The following C18orf32 variants were observed in gnomAD, a reference collection of about 807,000 sequenced individuals.
C18orf32 encodes chromosome 18 open reading frame 32, also known as UPF0729 protein C18orf32.
Under a neutral mutation model 7.4 loss-of-function variants are expected in C18orf32, and 5 were observed. The ratio of observed to expected loss-of-function variants is 0.68; its 90% CI spans 0.35 to 1.42. The LOEUF (loss-of-function observed/expected upper bound fraction) is 1.42, where lower values mean the gene tolerates loss of function less well. Among genes scored for constraint, C18orf32 ranks in the 40% most tolerant of loss-of-function variants. The pLI is 0.04. For synonymous variants in C18orf32, 30 were observed against 29.3 expected (o/e 1.02, Z -0.08); for missense variants, 88 against 92.4 (o/e 0.95, Z 0.19).
Position 49,482,030 on chromosome 18 carries a change from A to G in C18orf32, c.*315T>C, listed in dbSNP as rs1230104214. On this transcript the variant is annotated 3_prime_UTR_variant, in exon 3 of 3. Coordinates refer to ENST00000318240, the MANE Select transcript of C18orf32 (RefSeq NM_001035005.4). ...GCAAATTCATATGAATTAGAGAACC[A>G]AAGATTTTAAAGTGCTGATTTAGTA... 1 of 250,148 alleles carries G rather than the reference A, an allele frequency of 4.0e-6. No individual in the cohort carries two copies. Among genetic ancestry groups the G allele is most frequent in the East Asian group, 1.2e-4 (1 of 8,278 alleles). 15.5% of individuals were successfully genotyped at this position (250,148 alleles called of 1,614,324 possible). A position where few individuals can be genotyped will look rare whatever the true frequency, so the allele number is the denominator to read the frequency against.
In C18orf32 at chr18:49,483,764, C is replaced by G. The variant is rs369428991; in HGVS notation, c.-16G>C. ...TGCACACCATTTTCCCAAGCTTGAGCTCCTCAACTGTTGATATATGTGAAG... is the reference window on the plus strand; with the variant it reads ...TGCACACCATTTTCCCAAGCTTGAGGTCCTCAACTGTTGATATATGTGAAG... On this transcript the variant is annotated 5_prime_UTR_variant, in exon 2 of 3. Transcript: ENST00000318240. 1.4e-4 allele frequency: 222 copies of G among 1,602,768 alleles called. 1 individual carries two copies. In the African/African-American group the frequency reaches 2.6e-3, roughly 19 times the overall value.
chr18:49,482,874 C>A (rs543464128), intron 2 of C18orf32, among the ~76,000 whole-genome samples: 1 of 149,158 alleles, frequency 6.7e-6, no homozygotes, highest in Non-Finnish European at 1.5e-5. Flanking sequence ...TCTCGGCTCA[C>A]TGAAACCTCT....
chr18:49,478,498 A>C lies in C18orf32; in HGVS notation c.*3847T>G, dbSNP rs1328773832. On this transcript the variant is annotated 3_prime_UTR_variant, in exon 3 of 3. Transcript: ENST00000318240. ...AGGCTGGTCTTGAACTCCCGGCCTC[A>C]AGTGATCCTCCCACCTCGGCCTCCC... is the stretch of plus-strand genomic sequence containing the variant. 1 of 150,418 alleles carries C rather than the reference A, an allele frequency of 6.6e-6. No homozygotes were observed. The highest frequency in any genetic ancestry group is 1.5e-5 in the Non-Finnish European group (1 of 68,160). 9.3% of individuals were successfully genotyped at this position (150,418 alleles called of 1,614,324 possible). A position where few individuals can be genotyped will look rare whatever the true frequency, so the allele number is the denominator to read the frequency against.
chr18:49,482,441 A>G (rs1351161728), intron 2 of C18orf32, 31 bp from the exon 3 acceptor site: 6 of 1,556,328 alleles, frequency 3.9e-6, no homozygotes, highest in South Asian at 1.1e-5. Context: ...AGAAATTATC[A>G]TAACAAGCCG....
At position 49,480,360 on chromosome 18, in the gene C18orf32, TATAAATATGGAG is replaced by T. The variant is rs1357922279; in HGVS notation, c.*1973_*1984del. 2.0e-5 allele frequency: 3 copies of T among 151,806 alleles called. No individual in the cohort carries two copies. The highest frequency in any genetic ancestry group is 4.4e-5 in the Non-Finnish European group (3 of 67,950). 9.4% of individuals were successfully genotyped at this position (151,806 alleles called of 1,614,324 possible). On this transcript the variant is annotated 3_prime_UTR_variant, in exon 3 of 3. Coordinates refer to ENST00000318240, the MANE Select transcript of C18orf32 (RefSeq NM_001035005.4). ...TATTTTTATATTTTTATAATTTATT[TATAAATATGGAG>T]ATAAATTTAAAAAGCCCACAGCTCA...
chr18:49,482,658 C>A (rs777338177), intron 2 of C18orf32, among the ~76,000 whole-genome samples: 11 of 149,782 alleles, frequency 7.3e-5, no homozygotes, highest in Non-Finnish European at 1.6e-4. Flanking sequence ...ACCTGGGAGA[C>A]GGAAGTTGTG....
rs1170956817 is a variant in C18orf32, at chr18:49,480,728, G to C, written c.*1617C>G. The C allele has an allele frequency of 6.6e-6, 1 of 152,214 alleles. No homozygotes were observed. The highest frequency in any genetic ancestry group is 6.5e-5 in the Admixed American group (1 of 15,270). 9.4% of individuals were successfully genotyped at this position (152,214 alleles called of 1,614,324 possible). On this transcript the variant is annotated 3_prime_UTR_variant, in exon 3 of 3. Coordinates refer to ENST00000318240, the MANE Select transcript of C18orf32 (RefSeq NM_001035005.4). ...CGAGGCCATAGAGAGCCGTGATCAT[G>C]CTGCTGCACTCCAGCTTGAGTGACA... is the stretch of plus-strand genomic sequence containing the variant.
chr18:49,486,735 A>G (rs1014869148), intron 1 of C18orf32: 1 of 151,626 alleles, frequency 6.6e-6, no homozygotes, highest in Non-Finnish European at 1.5e-5. Flanking sequence ...TAGGGAAGGC[A>G]TAACAGGGAA....
At chr18:49,483,493 G>A in intron 2 of C18orf32, 91 bp downstream of exon 2, 1 of 1,414,434 alleles carries the variant, frequency 7.1e-7, no homozygotes, top group Non-Finnish European at 9.5e-7. Context: ...TGAAGCTTCT[G>A]GTTCTAAAAC....
Position 49,481,523 on chromosome 18 carries a change from G to A in C18orf32, c.*822C>T, listed in dbSNP as rs760686998. ...CTGCTGAAAACCACTAAATTTTGGA[G>A]TGTCTTGTTACGCAACAATAGTAAT... is the stretch of plus-strand genomic sequence containing the variant. On this transcript the variant is annotated 3_prime_UTR_variant, in exon 3 of 3. Coordinates refer to ENST00000318240, the MANE Select transcript of C18orf32 (RefSeq NM_001035005.4). 6.6e-6 allele frequency: 1 copy of A among 152,076 alleles called. No homozygotes were observed. The highest frequency in any genetic ancestry group is 6.6e-5 in the Admixed American group (1 of 15,228). The allele number at this position is 152,076 out of a possible 1,614,324, so 9.4% of individuals were successfully genotyped here.
Position 49,481,957 on chromosome 18 carries a change from A to G in C18orf32, c.*388T>C, listed in dbSNP as rs1185824699. 4.9e-6 allele frequency: 1 copy of G among 205,566 alleles called. No individual in the cohort carries two copies. The highest frequency in any genetic ancestry group is 9.8e-6 in the Non-Finnish European group (1 of 102,312). The allele number at this position is 205,566 out of a possible 1,614,324, so 12.7% of individuals were successfully genotyped here. On this transcript the variant is annotated 3_prime_UTR_variant, in exon 3 of 3. Transcript: ENST00000318240. ...TTTCACTGGACTGTTTCACAACAAA[A>G]TTGTACTCCACTCAAATTAGAAGAG...
chr18:49,486,106 A>C (rs2083741293), intron 1 of C18orf32: 1 of 152,036 alleles, frequency 6.6e-6, no homozygotes, highest in Non-Finnish European at 1.5e-5. Context: ...AAAAAATCCA[A>C]AAGTTGTAAC....
rs544057515 is a variant in C18orf32, at chr18:49,478,046, CTTTTTT to C, written c.*4293_*4298del. On this transcript the variant is annotated 3_prime_UTR_variant, in exon 3 of 3. Transcript: ENST00000318240. The stretch of plus-strand genomic sequence containing the variant: ...ATTTAAACTCCATTATTCTTTTTTT[CTTTTTT>C]TAAGACAGGGTCTTGCTCTGTTGTC... 8.8e-5 allele frequency: 13 copies of C among 148,202 alleles called. No individual in the cohort carries two copies. In the East Asian group the frequency reaches 1.7e-3, roughly 20 times the overall value. The allele number at this position is 148,202 out of a possible 1,614,324, so 9.2% of individuals were successfully genotyped here. A position where few individuals can be genotyped will look rare whatever the true frequency, so the allele number is the denominator to read the frequency against.
At position 49,483,775 on chromosome 18, in the gene C18orf32, TTGATA is replaced by T; in HGVS notation, c.-23-9_-23-5del. 1.3e-6 allele frequency: 2 copies of T among 1,586,264 alleles called. No homozygotes were observed. The highest frequency in any genetic ancestry group is 1.7e-6 in the Non-Finnish European group (2 of 1,172,986). ...TTCCCAAGCTTGAGCTCCTCAACTG[TTGATA>T]TATGTGAAGAAAAAAATTAGTTCAT... On this transcript the variant is annotated splice_polypyrimidine_tract_variant and splice_region_variant and intron_variant, in intron 1 of 2. Transcript: ENST00000318240.
In C18orf32 at chr18:49,483,095, A is replaced by G. The variant is rs377526901; in HGVS notation, c.165+489T>C. Among the ~76,000 whole-genome samples the G allele has an allele frequency of 4.7e-4, 71 of 152,228 alleles. 1 individual carries two copies. The South Asian group carries it at 0.014, about 30-fold the overall frequency. On this transcript the variant is annotated intron_variant, in intron 2 of 2. Transcript: ENST00000318240. ...ATTACAGGCGTGAGCTACCGCGCCC[A>G]GCTCAAGAAACATTCTCTTTAAAAA...
At chr18:49,485,730 C>T (rs185857226) in intron 1 of C18orf32, among the ~76,000 whole-genome samples, 200 of 151,864 alleles carry the variant, frequency 1.3e-3, no homozygotes, top group African/African-American at 4.5e-3. Flanking sequence ...CAAGCTATCC[C>T]CCTTCCTCAG....
rs1438215668 is a variant in C18orf32 at position 49,481,762 on chromosome 18, A to C, written c.*583T>G. On this transcript the variant is annotated 3_prime_UTR_variant, in exon 3 of 3. Coordinates refer to ENST00000318240, the MANE Select transcript of C18orf32 (RefSeq NM_001035005.4). ...TAATGTAACAGATGTTTCATTTTTC[A>C]AAGAAGTTTCCCCCTTTTCCCTATC... is the stretch of plus-strand genomic sequence containing the variant. The C allele has an allele frequency of 1.3e-5, 2 of 152,276 alleles. No individual in the cohort carries two copies. Among genetic ancestry groups the C allele is most frequent in the Non-Finnish European group, 2.9e-5 (2 of 68,080 alleles). 9.4% of individuals were successfully genotyped at this position (152,276 alleles called of 1,614,324 possible). A position where few individuals can be genotyped will look rare whatever the true frequency, so the allele number is the denominator to read the frequency against.
chr18:49,481,698 A>C lies in C18orf32; in HGVS notation c.*647T>G, dbSNP rs2083663935. The C allele has an allele frequency of 6.6e-6, 1 of 152,256 alleles. No individual in the cohort carries two copies. Among genetic ancestry groups the C allele is most frequent in the Admixed American group, 6.5e-5 (1 of 15,278 alleles). The allele number at this position is 152,256 out of a possible 1,614,324, so 9.4% of individuals were successfully genotyped here. A position where few individuals can be genotyped will look rare whatever the true frequency, so the allele number is the denominator to read the frequency against. ...ATGTTTAATACATTTGTAGGAACAG[A>C]AGAAATGCAGTAAGGATTAAAATTT... is the stretch of plus-strand genomic sequence containing the variant. On this transcript the variant is annotated 3_prime_UTR_variant, in exon 3 of 3. Coordinates refer to ENST00000318240, the MANE Select transcript of C18orf32 (RefSeq NM_001035005.4).
chr18:49,485,269 T>C (rs1021459664), intron 1 of C18orf32, among the ~76,000 whole-genome samples: 4 of 151,826 alleles, frequency 2.6e-5, no homozygotes, highest in South Asian at 2.1e-4. Context: ...AAAATGTAAA[T>C]TGAGGCTGGG....
Sources: allele counts gnomAD v4.1 joint callset (sites outside exome capture counted in the v4.1 genomes callset), GRCh38; gene constraint gnomAD v4.1.1; transcripts MANE v1.5; gene names NCBI Gene and HGNC (gene_info 2026-07-23, HGNC 2026-07-21).